Variants in PDHX observed in about 807,000 individuals in gnomAD.
The protein encoded by PDHX is pyruvate dehydrogenase complex component X, also known as pyruvate dehydrogenase protein X component, mitochondrial.
A neutral mutation model predicts 55.3 loss-of-function variants in PDHX; 33 were observed. The ratio of observed to expected loss-of-function variants is 0.60; its 90% CI spans 0.45 to 0.80. PDHX has a LOEUF of 0.80. PDHX is among the 30% of genes least tolerant of loss of function. PDHX has a pLI of 0.00. For synonymous variants in PDHX, 226 were observed against 219.4 expected, an observed-to-expected ratio of 1.03 and a Z score of -0.27; for missense variants, 622 against 619.9, an observed-to-expected ratio of 1.00 and a Z score of -0.04.
In PDHX at chr11:34,931,421, C is replaced by G. The variant is rs775669398; in HGVS notation, c.178C>G (p.Leu60Val). The stretch of plus-strand genomic sequence containing the variant: ...AATTTCAGGTGATCCCATTAAGATA[C>G]TAATGCCATCACTGTCTCCTACAAT... ...QWLRGDPIKI[L>V]MPSLSPTMEE... Residue 60 changes from leucine to valine, a missense_variant, in exon 2 of 11, where the codon CTA becomes GTA. By Grantham distance (32) the Leu-to-Val change is conservative. Transcript: ENST00000227868. 6.3e-7 allele frequency: 1 copy of G among 1,599,714 alleles called. No homozygotes were observed.
intron 3 of PDHX, among the ~76,000 whole-genome samples, chr11:34,948,573 C>CT (rs34358212): frequency 1.1e-3 from 148 of 135,044 alleles, no homozygotes; most frequent in South Asian, 1.9e-3. Context: ...TCCTCTTTTC[C>CT]TTTTTTTTTT....
At chr11:34,947,160 G>A (rs1353574245) in intron 2 of PDHX, among the ~76,000 whole-genome samples, 1 of 152,154 alleles carries the variant, frequency 6.6e-6, no homozygotes, top group Non-Finnish European at 1.5e-5. Context: ...AAAAAGTAAG[G>A]GGGATATGGA....
intron 2 of PDHX, among the ~76,000 whole-genome samples, chr11:34,946,989 G>A (rs907944594): frequency 6.6e-6 from 1 of 152,104 alleles, no homozygotes; most frequent in African/African-American, 2.4e-5. Flanking sequence ...ATCTGTATTT[G>A]ACTTCAGTTG....
At chr11:34,930,591 C>T (rs956694063) in intron 1 of PDHX, among the ~76,000 whole-genome samples, 5 of 152,272 alleles carry the variant, frequency 3.3e-5, no homozygotes, top group African/African-American at 9.6e-5. Context: ...TATTTGTTAC[C>T]ATGGTATTTT....
intron 1 of PDHX, among the ~76,000 whole-genome samples, chr11:34,921,927 G>T (rs1224930537): frequency 1.3e-5 from 2 of 152,182 alleles, no homozygotes; most frequent in East Asian, 3.8e-4. Flanking sequence ...ACCCTGCAAA[G>T]GTTTGCCAGG....
intron 2 of PDHX, among the ~76,000 whole-genome samples, chr11:34,945,748 A>G (rs1854606045): frequency 6.6e-6 from 1 of 152,072 alleles, no homozygotes; most frequent in Non-Finnish European, 1.5e-5. Context: ...TTAAGTTTTT[A>G]TCAAGGTATA....
chr11:34,924,335 G>A (rs917917163), intron 1 of PDHX, among the ~76,000 whole-genome samples: 1 of 152,018 alleles, frequency 6.6e-6, no homozygotes, highest in African/African-American at 2.4e-5. Context: ...TCTGCCTCCC[G>A]GTTTCAGGCC....
intron 1 of PDHX, among the ~76,000 whole-genome samples, chr11:34,918,276 TA>T (rs11452994): frequency 1.0e-3 from 147 of 142,212 alleles, no homozygotes; most frequent in Non-Finnish European, 1.2e-3. Context: ...CGTCTCTACT[TA>T]AAAAAAAAAA....
At chr11:34,954,797 T>A (rs1482443146) in intron 3 of PDHX, among the ~76,000 whole-genome samples, 2 of 152,196 alleles carry the variant, frequency 1.3e-5, no homozygotes, top group African/African-American at 2.4e-5. Context: ...GCCTTACATA[T>A]AACTCATTTA....
intron 3 of PDHX, among the ~76,000 whole-genome samples, chr11:34,956,315 A>T (rs180800281): frequency 6.6e-6 from 1 of 152,292 alleles, no homozygotes; most frequent in Admixed American, 6.5e-5. Flanking sequence ...CTTATTAACG[A>T]TAGTGAACAT....
intron 10 of PDHX, among the ~76,000 whole-genome samples, chr11:34,994,565 G>C (rs1289389666): frequency 6.6e-6 from 1 of 152,118 alleles, no homozygotes; most frequent in Admixed American, 6.5e-5. Flanking sequence ...GATGCCACTA[G>C]GCAGCAGAAA....
At chr11:34,992,775 C>T (rs1855783098) in intron 10 of PDHX, among the ~76,000 whole-genome samples, 1 of 152,040 alleles carries the variant, frequency 6.6e-6, no homozygotes, top group South Asian at 2.1e-4. Flanking sequence ...TGGGCATTTG[C>T]GTTGCTTCCA....
At chr11:34,963,826 G>A (rs1410957250) in intron 5 of PDHX, among the ~76,000 whole-genome samples, 1 of 152,166 alleles carries the variant, frequency 6.6e-6, no homozygotes, top group Non-Finnish European at 1.5e-5. Context: ...AAGCAGTGTC[G>A]AGGCCACAAT....
chr11:34,952,370 G>T (rs374170535), intron 3 of PDHX, among the ~76,000 whole-genome samples: 32 of 152,052 alleles, frequency 2.1e-4, no homozygotes, highest in African/African-American at 5.8e-4. Context: ...TACCAAAGCC[G>T]GGCAGAGACA....
chr11:34,981,543 A>G (rs1590766704), intron 8 of PDHX, among the ~76,000 whole-genome samples: 1 of 152,178 alleles, frequency 6.6e-6, no homozygotes, highest in Admixed American at 6.5e-5. Context: ...GTCAAATGGT[A>G]TTTCTAGTTC....
At chr11:34,970,417 C>A in intron 7 of PDHX, 131 bp downstream of exon 7, 1 of 761,346 alleles carries the variant, frequency 1.3e-6, no homozygotes. Flanking sequence ...TACTTGCACT[C>A]TACTCTGGGT....
chr11:34,916,151 G>GCCA, upstream of PDHX: 1 of 1,545,576 alleles, frequency 6.5e-7, no homozygotes. Flanking sequence ...CCGCTACCCT[G>GCCA]CGCCCAGCTC....
chr11:34,949,069 G>A (rs1854690875), intron 3 of PDHX, among the ~76,000 whole-genome samples: 1 of 152,170 alleles, frequency 6.6e-6, no homozygotes, highest in Non-Finnish European at 1.5e-5. Context: ...ATAGTTGATA[G>A]TGGCTTTGGT....
At chr11:34,976,215 A>G (rs551086826) in intron 7 of PDHX, among the ~76,000 whole-genome samples, 10 of 152,234 alleles carry the variant, frequency 6.6e-5, no homozygotes, top group African/African-American at 1.7e-4. Flanking sequence ...CACATTATCT[A>G]TCTTCACTCC....
Sources: allele counts gnomAD v4.1 joint callset (sites outside exome capture counted in the v4.1 genomes callset), GRCh38; gene constraint gnomAD v4.1.1; transcripts MANE v1.5; gene names NCBI Gene and HGNC (gene_info 2026-07-23, HGNC 2026-07-21).